Variants in RRM2B observed in about 807,000 individuals in gnomAD.
The protein encoded by RRM2B is ribonucleoside-diphosphate reductase subunit M2 B.
RRM2B carries 20 observed loss-of-function variants against 45.9 expected under a neutral mutation model. The observed-to-expected ratio is 0.44, with a 90% CI of 0.31 to 0.63. The LOEUF (loss-of-function observed/expected upper bound fraction) is 0.63. Among genes scored for constraint, RRM2B ranks in the 30% least tolerant of loss-of-function variants. RRM2B has a pLI of 0.09. For missense variants in RRM2B, 320 were observed against 414.7 expected, an observed-to-expected ratio of 0.77 and a Z score of 1.98; for synonymous variants, 124 against 132.3, an observed-to-expected ratio of 0.94 and a Z score of 0.43.
chr8:102,234,502 C>G (rs571462681), intron 1 of RRM2B, among the ~76,000 whole-genome samples: 153 of 152,180 alleles, frequency 1.0e-3, no homozygotes, highest in South Asian at 2.3e-3. Context: ...CTCCACAGTA[C>G]CCTCTGTGGA....
At position 102,225,767 on chromosome 8, in the gene RRM2B, A is replaced by C. The variant is rs1587180266; in HGVS notation, c.321+151T>G. The C allele has an allele frequency of 1.1e-5, 7 of 661,584 alleles. 2 individuals carry two copies. In the Admixed American group the frequency reaches 1.5e-4, roughly 15 times the overall value. 41.0% of individuals were successfully genotyped at this position (661,584 alleles called of 1,614,324 possible). A position where few individuals can be genotyped will look rare whatever the true frequency, so the allele number is the denominator to read the frequency against. Reference sequence around the variant, plus strand: ...ATAATAGTTTGCTGGTCAAAGGATAAGCAATTCATCAGAAAAACATTTAAA... The same window carrying C: ...ATAATAGTTTGCTGGTCAAAGGATACGCAATTCATCAGAAAAACATTTAAA... On this transcript the variant is annotated intron_variant, in intron 3 of 8. Coordinates refer to ENST00000251810, the MANE Select transcript of RRM2B (RefSeq NM_015713.5).
In RRM2B at chr8:102,232,260, T is replaced by C; in HGVS notation, c.93A>G (p.Glu31=). 1 of 1,614,196 alleles carries C rather than the reference T, an allele frequency of 6.2e-7. No individual in the cohort carries two copies. Residue 31 remains glutamate (E), a synonymous_variant, in exon 2 of 9, where the codon GAA becomes GAG. Coordinates refer to ENST00000251810, the MANE Select transcript of RRM2B (RefSeq NM_015713.5). ...GAGAACTCTTTCTTAGGAGTGGCTCTTCATTTGACTTTATTTCACTTTCGT... is the reference window on the plus strand; with the variant it reads ...GAGAACTCTTTCTTAGGAGTGGCTCCTCATTTGACTTTATTTCACTTTCGT... ...DTNESEIKSN[E]EPLLRKSSRR...
At chr8:102,230,492 C>A (rs1178276530) in intron 2 of RRM2B, among the ~76,000 whole-genome samples, 1 of 152,174 alleles carries the variant, frequency 6.6e-6, no homozygotes, top group African/African-American at 2.4e-5. Flanking sequence ...GTATTCCACT[C>A]GTTCTCTGAA....
intron 8 of RRM2B, among the ~76,000 whole-genome samples, chr8:102,211,538 G>C (rs1810636117): frequency 6.6e-6 from 1 of 152,154 alleles, no homozygotes. Context: ...TTAGACCCAA[G>C]GGTCAGCAGT....
In RRM2B at chr8:102,238,940, G is replaced by A. The variant is rs1004719104; in HGVS notation, c.-66C>T. 5.8e-6 allele frequency: 9 copies of A among 1,540,586 alleles called. No homozygotes were observed. Among genetic ancestry groups the A allele is most frequent in the Middle Eastern group, 3.4e-4 (2 of 5,914 alleles). ...AGCTCCTCAGGCCACCTCCAACTAC[G>A]ACAGCACCCAGGTGGTCCGCTGGTC... On this transcript the variant is annotated 5_prime_UTR_variant, in exon 1 of 9. Transcript: ENST00000251810.
rs780190451 is a variant in RRM2B, at chr8:102,214,060, A to C, written c.783T>G (p.Ile261Met). 1.2e-6 allele frequency: 2 copies of C among 1,609,842 alleles called. No individual in the cohort carries two copies. Among genetic ancestry groups the C allele is most frequent in the South Asian group, 2.2e-5 (2 of 90,998 alleles). ...CACAAACTTCCCGGTTTACCTGCTC[A>C]ATTTTGACAGCATCAACAATGATCT... Reference protein sequence around the residue: ...VREIIVDAVKIEQEFLTEALP... With the variant: ...VREIIVDAVKMEQEFLTEALP... The change falls in exon 7 of 9, where the codon ATT becomes ATG. Residue 261 changes from isoleucine to methionine, a missense_variant. This residue lies in a region of RRM2B where 225 missense variants were observed against 289.4 expected (regional missense o/e 0.78). Coordinates refer to ENST00000251810, the MANE Select transcript of RRM2B (RefSeq NM_015713.5).
At chr8:102,208,349 A>C in intron 8 of RRM2B, 64 bp from the exon 9 acceptor site, 2 of 1,183,360 alleles carry the variant, frequency 1.7e-6, no homozygotes, top group South Asian at 2.5e-5. Flanking sequence ...CAATAAGAGC[A>C]AAGATGACCA....
chr8:102,232,331 CT>C, intron 1 of RRM2B, 27 bp from the exon 2 acceptor site: 1 of 1,605,974 alleles, frequency 6.2e-7, no homozygotes, highest in Non-Finnish European at 8.5e-7. Context: ...ACAAACACGC[CT>C]TTTATATAGA....
In RRM2B at chr8:102,208,815, G is replaced by A. The variant is rs1810586383; in HGVS notation, c.904-530C>T. 3.3e-5 allele frequency among the ~76,000 whole-genome samples: 5 copies of A among 152,216 alleles called. 1 individual carries two copies. In the South Asian group the frequency reaches 1.0e-3, roughly 32 times the overall value. On this transcript the variant is annotated intron_variant, in intron 8 of 8. Coordinates refer to ENST00000251810, the MANE Select transcript of RRM2B (RefSeq NM_015713.5). Reference sequence around the variant, plus strand: ...TGACTAGATGTCTCCAAACAAAAAGGGGGACTATGCTAACAAGAAGCTTTT... The same window carrying A: ...TGACTAGATGTCTCCAAACAAAAAGAGGGACTATGCTAACAAGAAGCTTTT...
chr8:102,234,871 G>T (rs1455190802), intron 1 of RRM2B: 2 of 154,556 alleles, frequency 1.3e-5, no homozygotes, highest in Admixed American at 6.5e-5. Flanking sequence ...AAAACAAAAA[G>T]AAATATATGG....
At chr8:102,222,381 T>C (rs1312809824) in intron 5 of RRM2B, among the ~76,000 whole-genome samples, 1 of 152,178 alleles carries the variant, frequency 6.6e-6, no homozygotes, top group Non-Finnish European at 1.5e-5. Context: ...TGGCTGCTTT[T>C]CTCATTCTTG....
intron 1 of RRM2B, among the ~76,000 whole-genome samples, chr8:102,234,431 G>A (rs1811083204): frequency 1.3e-5 from 2 of 151,980 alleles, no homozygotes; most frequent in Admixed American, 6.6e-5. Context: ...GCTTAGAAAC[G>A]TGCACAAACA....
chr8:102,218,576 T>C (rs1474475509), intron 6 of RRM2B, among the ~76,000 whole-genome samples: 2 of 151,720 alleles, frequency 1.3e-5, no homozygotes, highest in African/African-American at 2.4e-5. Flanking sequence ...ATACCAAAAT[T>C]AGGCCAGGTG....
At chr8:102,220,109 C>T (rs139361027) in intron 5 of RRM2B, among the ~76,000 whole-genome samples, 211 of 152,126 alleles carry the variant, frequency 1.4e-3, no homozygotes, top group African/African-American at 4.5e-3. Flanking sequence ...TGTGGTGGTG[C>T]GCACCTGTAG....
chr8:102,232,039 C>T, intron 2 of RRM2B, 110 bp downstream of exon 2: 1 of 1,025,488 alleles, frequency 9.8e-7, no homozygotes, highest in Non-Finnish European at 1.5e-6. Context: ...CACTTATCTT[C>T]TACAACTGAT....
intron 3 of RRM2B, among the ~76,000 whole-genome samples, chr8:102,225,535 C>G (rs1810917531): frequency 1.3e-5 from 2 of 152,048 alleles, no homozygotes; most frequent in African/African-American, 2.4e-5. Flanking sequence ...CCCGGCCTAT[C>G]TTTCTAATTC....
Position 102,212,865 on chromosome 8 carries a change from C to T in RRM2B, c.814G>A (p.Val272Ile). 6.2e-7 allele frequency: 1 copy of T among 1,605,680 alleles called. No homozygotes were observed. Residue 272 changes from valine to isoleucine, a missense_variant, in exon 8 of 9, where the codon GTT (valine) becomes ATT (isoleucine). Physicochemically the swap from Val to Ile is conservative, Grantham distance 29 (BLOSUM62 3). Transcript: ENST00000251810. ...EQEFLTEALP[V>I]GLIGMNCILM... ...ATGCAATTCATTCCAATGAGGCCAA[C>T]TGGCAAGGCTTCTGTTAAAAACTCC... is the stretch of plus-strand genomic sequence containing the variant.
At position 102,208,096 on chromosome 8, in the gene RRM2B, A is replaced by G. The variant is rs556006300; in HGVS notation, c.*37T>C. The G allele has an allele frequency of 6.4e-7, 1 of 1,570,498 alleles. No individual in the cohort carries two copies. The highest frequency in any genetic ancestry group is 1.4e-5 in the African/African-American group (1 of 73,838). ...AGAGGAAAATAGACTACTATTTACC[A>G]ATGACAAGTTTATAGAGTTTTAAAA... On this transcript the variant is annotated 3_prime_UTR_variant, in exon 9 of 9. Transcript: ENST00000251810.
At chr8:102,214,322 A>C in intron 6 of RRM2B, 164 bp from the exon 7 acceptor site, 176 of 648,758 alleles carry the variant, frequency 2.7e-4, no homozygotes, top group East Asian at 5.8e-4. Context: ...TTCAAATCTC[A>C]TTAAATGCCA....
Sources: allele counts gnomAD v4.1 joint callset (sites outside exome capture counted in the v4.1 genomes callset), GRCh38; gene constraint gnomAD v4.1.1; regional missense constraint gnomAD v4.1.1; transcripts MANE v1.5; gene names NCBI Gene and HGNC (gene_info 2026-07-23, HGNC 2026-07-21).